CIT: variants seen among roughly 807,000 people sequenced by gnomAD.
CIT encodes citron rho-interacting serine/threonine kinase.
Under a neutral mutation model 272.7 loss-of-function variants are expected in CIT, and 79 were observed. The ratio of observed to expected loss-of-function variants is 0.29; its 90% CI spans 0.24 to 0.35. The LOEUF (loss-of-function observed/expected upper bound fraction) is 0.35. Among genes scored for constraint, CIT ranks in the 10% least tolerant of loss-of-function variants. The pLI is 1.00. For synonymous variants in CIT, 948 were observed against 995.6 expected (o/e 0.95, Z 0.90); for missense variants, 1,909 against 2,618.3 (o/e 0.73, Z 5.91).
In CIT at chr12:119,756,330, G is replaced by A. The variant is rs547741889; in HGVS notation, c.2706+1041C>T. ...AGCAGGGATCTATTAAAGCAAGAAC[G>A]CACTCCACAGGGTGGGAGTGGCCCC... On this transcript the variant is annotated intron_variant, in intron 22 of 47. Transcript: ENST00000392521. Among the ~76,000 whole-genome samples, 129 of 152,272 alleles carry A rather than the reference G, an allele frequency of 8.5e-4. 1 individual carries two copies. Among genetic ancestry groups the A allele is most frequent in the African/African-American group, 2.9e-3 (119 of 41,558 alleles).
chr12:119,862,848 C>CAAAAAAA (rs1950395093), intron 3 of CIT, among the ~76,000 whole-genome samples: 1 of 62,184 alleles, frequency 1.6e-5, no homozygotes, highest in Non-Finnish European at 3.1e-5. Context: ...AAAGAAAAAA[C>CAAAAAAA]CAAAAAAAAA....
rs75235304 is a variant in CIT, at chr12:119,688,680, C to T, written c.6187-425G>A. Among the ~76,000 whole-genome samples, 250 of 152,362 alleles carry T rather than the reference C, an allele frequency of 1.6e-3. 2 individuals carry two copies. The highest frequency in any genetic ancestry group is 5.8e-3 in the African/African-American group (242 of 41,594). On this transcript the variant is annotated intron_variant, in intron 47 of 47. Transcript: ENST00000392521. Reference sequence around the variant, plus strand: ...TAGCCTGCTAAGGAGGCACCAAGCACTTGAGCCATGCCCTGCCTGGGGGAG... The same window carrying T: ...TAGCCTGCTAAGGAGGCACCAAGCATTTGAGCCATGCCCTGCCTGGGGGAG...
intron 12 of CIT, chr12:119,783,024 C>A: frequency 6.4e-6 from 1 of 157,388 alleles, no homozygotes; most frequent in South Asian, 2.0e-4. Flanking sequence ...AGTACATATG[C>A]CTCTTTCAAA....
chr12:119,836,945 C>T (rs1017508406), intron 5 of CIT, among the ~76,000 whole-genome samples: 1 of 152,220 alleles, frequency 6.6e-6, no homozygotes, highest in African/African-American at 2.4e-5. Flanking sequence ...TGAAAATCCC[C>T]TCCCAAGTCA....
rs374472286 is a variant in CIT at position 119,869,077 on chromosome 12, C to T, written c.221G>A (p.Ser74Asn). 7 of 1,611,286 alleles carry T rather than the reference C, an allele frequency of 4.3e-6. No homozygotes were observed. Among genetic ancestry groups the T allele is most frequent in the African/African-American group, 1.3e-5 (1 of 74,748 alleles). Reference sequence around the variant, plus strand: ...AAACTTACACTTCCGGACAAAGTTGCTCACGTGCTTAATCTTCATCAGAGC... The same window carrying T: ...AAACTTACACTTCCGGACAAAGTTGTTCACGTGCTTAATCTTCATCAGAGC... ...QPALMKIKHV[S>N]NFVRKYSDTI... Residue 74 changes from serine to asparagine, a missense_variant, in exon 3 of 48, where the codon AGC becomes AAC. Ser to Asn is a conservative substitution (Grantham distance 46). This residue lies in a region of CIT where 529 missense variants were observed against 549.6 expected (regional missense o/e 0.96). Coordinates refer to ENST00000392521, the MANE Select transcript of CIT (RefSeq NM_001206999.2).
In CIT at chr12:119,803,587, G is replaced by A. The variant is rs576657844; in HGVS notation, c.1112-198C>T. On this transcript the variant is annotated intron_variant, in intron 9 of 47. Coordinates refer to ENST00000392521, the MANE Select transcript of CIT (RefSeq NM_001206999.2). ...TCTCTGCCAACATGGCCACCAACCC[G>A]CAGACAGGCTGCCTTCCCGCCTGGG... 2.6e-3 allele frequency: 1,118 copies of A among 431,320 alleles called. 4 individuals are homozygous for A. Among genetic ancestry groups the A allele is most frequent in the Non-Finnish European group, 4.1e-3 (994 of 243,882 alleles). The allele number at this position is 431,320 out of a possible 1,614,324, so 26.7% of individuals were successfully genotyped here.
chr12:119,777,571 G>A (rs1963886010), intron 13 of CIT, among the ~76,000 whole-genome samples: 1 of 151,332 alleles, frequency 6.6e-6, no homozygotes, highest in Non-Finnish European at 1.5e-5. Flanking sequence ...TCAGGAGGCT[G>A]AGGCAGAAGA....
At position 119,710,672 on chromosome 12, in the gene CIT, G is replaced by C. The variant is rs1957120781; in HGVS notation, c.4855-52C>G. 6.5e-7 allele frequency: 1 copy of C among 1,530,352 alleles called. No homozygotes were observed. Among genetic ancestry groups the C allele is most frequent in the Non-Finnish European group, 9.1e-7 (1 of 1,103,918 alleles). The allele number at this position is 1,530,352 out of a possible 1,614,324, so 94.8% of individuals were successfully genotyped here. A position where few individuals can be genotyped will look rare whatever the true frequency, so the allele number is the denominator to read the frequency against. ...ACAGAAGACATCGTGAGGCTGATCT[G>C]TTTATGACCAAACCATCCAGAGAAA... On this transcript the variant is annotated intron_variant, in intron 37 of 47. Coordinates refer to ENST00000392521, the MANE Select transcript of CIT (RefSeq NM_001206999.2). This position sits in a 1 kb window ranked among gnomAD's most constrained non-coding sequence, Gnocchi z 5.6.
chr12:119,738,187 CT>C (rs917244248), intron 24 of CIT, among the ~76,000 whole-genome samples: 1 of 152,284 alleles, frequency 6.6e-6, no homozygotes, highest in African/African-American at 2.4e-5. Context: ...TTCTTGCCCC[CT>C]GAACCATACT....
chr12:119,712,170 A>G lies in CIT; in HGVS notation c.4854+8T>C, dbSNP rs1267320053. 1.3e-5 allele frequency: 20 copies of G among 1,581,332 alleles called. No homozygotes were observed. The highest frequency in any genetic ancestry group is 1.7e-5 in the Non-Finnish European group (20 of 1,162,712). On this transcript the variant is annotated splice_region_variant and intron_variant, in intron 37 of 47. Transcript: ENST00000392521. This position sits in a 1 kb window ranked among gnomAD's most constrained non-coding sequence, Gnocchi z 5.2. ...AAGACAACCTCCAGGGCCCGCTTTC[A>G]TACTCACAGCATCAGCTTCTGCTTT...
At chr12:119,755,290 T>C (rs759168171) in intron 22 of CIT, among the ~76,000 whole-genome samples, 5 of 152,144 alleles carry the variant, frequency 3.3e-5, no homozygotes, top group Non-Finnish European at 7.4e-5. Context: ...CAGGTGAACC[T>C]AATGGAGGAG....
At chr12:119,766,708 T>C (rs1300714405) in intron 19 of CIT, among the ~76,000 whole-genome samples, 1 of 152,150 alleles carries the variant, frequency 6.6e-6, no homozygotes, top group African/African-American at 2.4e-5. Context: ...TTATTTCATA[T>C]TGCATGTCTG....
chr12:119,697,759 C>T lies in CIT; in HGVS notation c.5782G>A (p.Ala1928Thr), dbSNP rs1170752245. 6.2e-7 allele frequency: 1 copy of T among 1,614,122 alleles called. No homozygotes were observed. Among genetic ancestry groups the T allele is most frequent in the Non-Finnish European group, 8.5e-7 (1 of 1,180,040 alleles). Reference sequence around the variant, plus strand: ...CTTAATTTATCCTGGTATGAGGACGCCAAGTAAATCGCTCCTGAGGAAATG... The same window carrying T: ...CTTAATTTATCCTGGTATGAGGACGTCAAGTAAATCGCTCCTGAGGAAATG... ...PAISSGAIYL[A>T]SSYQDKLRVI... Residue 1928 changes from alanine to threonine, a missense_variant, in exon 46 of 48, where the codon GCG (alanine) becomes ACG (threonine). Around this residue, in one of 8 missense-constraint regions of CIT, gnomAD observed 780 missense variants for 1,067.2 expected, o/e 0.73. Transcript: ENST00000392521. This position sits in a 1 kb window ranked among gnomAD's most constrained non-coding sequence, Gnocchi z 4.9.
At position 119,806,866 on chromosome 12, in the gene CIT, T is replaced by C. The variant is rs144606361; in HGVS notation, c.1112-3477A>G. Among the ~76,000 whole-genome samples the C allele has an allele frequency of 1.9e-4, 29 of 152,246 alleles. No individual in the cohort carries two copies. The East Asian group carries it at 5.0e-3, about 26-fold the overall frequency. ...ACACTTTGAAAAAGAACCAGGTACA[T>C]TTGAAAGGAACCAAACTGAACTTCC... is the stretch of plus-strand genomic sequence containing the variant. On this transcript the variant is annotated intron_variant, in intron 9 of 47. Transcript: ENST00000392521.
chr12:119,706,629 T>A (rs1032903371), intron 40 of CIT, among the ~76,000 whole-genome samples: 1 of 152,256 alleles, frequency 6.6e-6, no homozygotes, highest in African/African-American at 2.4e-5. Context: ...CATTCTTTTT[T>A]AGAGCTGCAT....
chr12:119,868,015 A>T (rs998516667), intron 3 of CIT, among the ~76,000 whole-genome samples: 1 of 152,312 alleles, frequency 6.6e-6, no homozygotes, highest in East Asian at 1.9e-4. Context: ...GACTGCTTCA[A>T]GCCTGGAGTT....
intron 25 of CIT, 70 bp from the exon 26 acceptor site, chr12:119,734,427 G>A (rs1208557425): frequency 6.6e-7 from 1 of 1,519,178 alleles, no homozygotes; most frequent in Admixed American, 1.7e-5. Flanking sequence ...CTTTGGTCGG[G>A]TCAGTTTCAG....
intron 13 of CIT, among the ~76,000 whole-genome samples, chr12:119,780,511 G>A (rs1964190602): frequency 6.6e-6 from 1 of 152,128 alleles, no homozygotes; most frequent in Non-Finnish European, 1.5e-5. Context: ...CAGCTACTCA[G>A]GAGGCTGAGG....
chr12:119,762,263 G>A (rs1283849960), intron 19 of CIT, among the ~76,000 whole-genome samples: 1 of 152,160 alleles, frequency 6.6e-6, no homozygotes, highest in Non-Finnish European at 1.5e-5. Context: ...TAGAATGGAA[G>A]TTGGAAGAGA....
Sources: allele counts gnomAD v4.1 joint callset (sites outside exome capture counted in the v4.1 genomes callset), GRCh38; gene constraint gnomAD v4.1.1; regional missense constraint gnomAD v4.1.1; non-coding constraint Gnocchi (gnomAD v3.1); transcripts MANE v1.5; gene names NCBI Gene and HGNC (gene_info 2026-07-23, HGNC 2026-07-21).